Variants in QKI observed in about 807,000 individuals in gnomAD.
QKI encodes the protein KH domain-containing RNA-binding protein QKI.
A neutral mutation model predicts 39.0 loss-of-function variants in QKI; 10 were observed. That is an observed-to-expected ratio of 0.26 (90% CI 0.16 to 0.43). The LOEUF is 0.43. QKI is among the 20% of genes least tolerant of loss of function. The pLI, the probability that QKI is intolerant of heterozygous loss-of-function variation, is 1.00. For missense variants in QKI, 218 were observed against 428.0 expected, an observed-to-expected ratio of 0.51 and a Z score of 4.33; for synonymous variants, 204 against 155.4, an observed-to-expected ratio of 1.31 and a Z score of -2.33.
At chr6:163,421,732 C>G (rs189473756) in intron 1 of QKI, among the ~76,000 whole-genome samples, 1 of 151,802 alleles carries the variant, frequency 6.6e-6, no homozygotes, top group Admixed American at 6.6e-5. Flanking sequence ...TGAAACTAAG[C>G]TCTTTTATTT....
intron 4 of QKI, among the ~76,000 whole-genome samples, chr6:163,540,041 C>G (rs1461953067): frequency 6.7e-6 from 1 of 149,606 alleles, no homozygotes; most frequent in East Asian, 1.9e-4. Flanking sequence ...ATGTTCACAT[C>G]TTGAACTGTT....
chr6:163,572,200 A>C lies in QKI; in HGVS notation c.*1490A>C, dbSNP rs1464285411. 6.6e-6 allele frequency: 1 copy of C among 152,240 alleles called. No individual in the cohort carries two copies. The highest frequency in any genetic ancestry group is 2.4e-5 in the African/African-American group (1 of 41,466). The allele number at this position is 152,240 out of a possible 1,614,324, so 9.4% of individuals were successfully genotyped here. Reference sequence around the variant, plus strand: ...CTGAGATAAAAATTATGTGTCATCTAAACTTCAGTTTACAGACAAAATTAG... The same window carrying C: ...CTGAGATAAAAATTATGTGTCATCTCAACTTCAGTTTACAGACAAAATTAG... On this transcript the variant is annotated 3_prime_UTR_variant, in exon 8 of 8. Transcript: ENST00000361752.
intron 3 of QKI, among the ~76,000 whole-genome samples, chr6:163,493,469 C>T (rs1179638782): frequency 6.6e-6 from 1 of 152,142 alleles, no homozygotes; most frequent in Non-Finnish European, 1.5e-5. Flanking sequence ...TTTAATTGTA[C>T]ATATGTGTAC....
rs1024025057 is a variant in QKI at position 163,573,172 on chromosome 6, G to A, written c.*2462G>A. On this transcript the variant is annotated 3_prime_UTR_variant, in exon 8 of 8. Transcript: ENST00000361752. ...TGAACAAACTTTTGAAAACTTGGTT[G>A]ACAAAATTTTGGATCAACTGAAAAA... 6.6e-6 allele frequency: 1 copy of A among 152,142 alleles called. No individual in the cohort carries two copies. Among genetic ancestry groups the A allele is most frequent in the Non-Finnish European group, 1.5e-5 (1 of 68,008 alleles). The allele number at this position is 152,142 out of a possible 1,614,324, so 9.4% of individuals were successfully genotyped here.
In QKI at chr6:163,455,282, T is replaced by C. The variant is rs1296296561; in HGVS notation, c.146T>C (p.Ile49Thr). 1 of 1,604,244 alleles carries C rather than the reference T, an allele frequency of 6.2e-7. No individual in the cohort carries two copies. Among genetic ancestry groups the C allele is most frequent in the Admixed American group, 1.7e-5 (1 of 58,190 alleles). ...NHLERLLDEE[I>T]SRVRKDMYND... ...TTAAAATTTTTACTTTTAACAGAAA[T>C]TAGCAGAGTACGGAAAGACATGTAC... is the stretch of plus-strand genomic sequence containing the variant. Residue 49 changes from isoleucine to threonine, a missense_variant, in exon 2 of 8, where the codon ATT becomes ACT. Around this residue, in one of 3 missense-constraint regions of QKI, gnomAD observed 61 missense variants for 193.3 expected, o/e 0.32. Transcript: ENST00000361752.
chr6:163,509,159 GTCAA>G (rs1779284766), intron 3 of QKI, among the ~76,000 whole-genome samples: 1 of 151,576 alleles, frequency 6.6e-6, no homozygotes, highest in African/African-American at 2.4e-5. Context: ...CAATCAGTCA[GTCAA>G]TCAATCAATG....
At chr6:163,455,008 T>C (rs1329210432) in intron 1 of QKI, among the ~76,000 whole-genome samples, 1 of 152,188 alleles carries the variant, frequency 6.6e-6, no homozygotes, top group Non-Finnish European at 1.5e-5. Flanking sequence ...GTCCATATTA[T>C]ACCGGTTAGG....
rs1243540153 is a variant in QKI at position 163,574,435 on chromosome 6, G to T, written c.*3725G>T. 1 of 152,152 alleles carries T rather than the reference G, an allele frequency of 6.6e-6. No homozygotes were observed. Among genetic ancestry groups the T allele is most frequent in the East Asian group, 1.9e-4 (1 of 5,202 alleles). 9.4% of individuals were successfully genotyped at this position (152,152 alleles called of 1,614,324 possible). A position where few individuals can be genotyped will look rare whatever the true frequency, so the allele number is the denominator to read the frequency against. ...GGCCCACTGGCTGTTTCTCATGGTGGCCTGAAGCCCCGCTGCTTTCCAGTG... is the reference window on the plus strand; with the variant it reads ...GGCCCACTGGCTGTTTCTCATGGTGTCCTGAAGCCCCGCTGCTTTCCAGTG... On this transcript the variant is annotated 3_prime_UTR_variant, in exon 8 of 8. Coordinates refer to ENST00000361752, the MANE Select transcript of QKI (RefSeq NM_006775.3).
intron 4 of QKI, among the ~76,000 whole-genome samples, chr6:163,556,904 A>G (rs1445891004): frequency 6.6e-6 from 1 of 152,198 alleles, no homozygotes; most frequent in Non-Finnish European, 1.5e-5. Flanking sequence ...GTTGTGCTTT[A>G]ATAATCTTTC....
chr6:163,502,824 T>C (rs1778854253), intron 3 of QKI, among the ~76,000 whole-genome samples: 1 of 152,268 alleles, frequency 6.6e-6, no homozygotes, highest in Non-Finnish European at 1.5e-5. Flanking sequence ...GCAAGTTGCA[T>C]GTGTCTTTTT....
intron 4 of QKI, among the ~76,000 whole-genome samples, chr6:163,557,941 C>T (rs1446941392): frequency 5.3e-5 from 8 of 151,994 alleles, no homozygotes; most frequent in Non-Finnish European, 8.8e-5. Flanking sequence ...CTTAGGAAAC[C>T]AGAAGCTATG....
chr6:163,556,444 A>G (rs1023088276), intron 4 of QKI, among the ~76,000 whole-genome samples: 40 of 146,348 alleles, frequency 2.7e-4, no homozygotes, highest in South Asian at 6.9e-4. Context: ...GCGAAGTTGC[A>G]GTGAGCTGAG....
At chr6:163,521,113 C>T (rs1248293657) in intron 3 of QKI, among the ~76,000 whole-genome samples, 1 of 152,110 alleles carries the variant, frequency 6.6e-6, no homozygotes, top group Non-Finnish European at 1.5e-5. Context: ...CCATTTAATA[C>T]ACTAAGCATT....
chr6:163,567,241 A>T, intron 7 of QKI: 1 of 987,174 alleles, frequency 1.0e-6, no homozygotes. Flanking sequence ...AAAACTGAAG[A>T]TTTAGTTTCC....
chr6:163,538,036 TCTTC>T (rs66829542), intron 4 of QKI, among the ~76,000 whole-genome samples: 97,069 of 151,546 alleles, frequency 0.64, 32,481 homozygotes, highest in East Asian at 1. Context: ...TATGTACACA[TCTTC>T]CTCATCCTGC....
chr6:163,505,190 A>G (rs886571899), intron 3 of QKI, among the ~76,000 whole-genome samples: 1 of 152,118 alleles, frequency 6.6e-6, no homozygotes, highest in South Asian at 2.1e-4. Flanking sequence ...AAGTATGGAA[A>G]CGCCTGGATG....
intron 4 of QKI, among the ~76,000 whole-genome samples, chr6:163,543,241 T>C (rs1047827012): frequency 7.9e-5 from 12 of 152,066 alleles, no homozygotes; most frequent in African/African-American, 2.4e-4. Context: ...CATTGAAATT[T>C]GTGGTATTGT....
chr6:163,564,600 G>A (rs1437402653), intron 6 of QKI: 4 of 1,609,574 alleles, frequency 2.5e-6, no homozygotes, highest in African/African-American at 2.7e-5. Context: ...TAATATAAAC[G>A]CTTGGTTTTA....
At chr6:163,488,335 AAAAG>A (rs1157101950) in intron 3 of QKI, among the ~76,000 whole-genome samples, 3 of 152,142 alleles carry the variant, frequency 2.0e-5, no homozygotes, top group Non-Finnish European at 4.4e-5. Flanking sequence ...GTGACAAAAA[AAAAG>A]AGAGAGAGAG....
Sources: allele counts gnomAD v4.1 joint callset (sites outside exome capture counted in the v4.1 genomes callset), GRCh38; gene constraint gnomAD v4.1.1; regional missense constraint gnomAD v4.1.1; transcripts MANE v1.5; gene names NCBI Gene and HGNC (gene_info 2026-07-23, HGNC 2026-07-21).